Variants in MAD2L2 observed in about 807,000 individuals in gnomAD.
MAD2L2 encodes the protein mitotic spindle assembly checkpoint protein MAD2B.
A neutral mutation model predicts 30.5 loss-of-function variants in MAD2L2; 17 were observed. The ratio of observed to expected loss-of-function variants is 0.56; its 90% CI spans 0.38 to 0.84. The LOEUF is 0.84. MAD2L2 is among the 40% of genes least tolerant of loss of function. The pLI, the probability that MAD2L2 is intolerant of heterozygous loss-of-function variation, is 0.00. For missense variants in MAD2L2, 213 were observed against 277.4 expected (o/e 0.77, Z 1.65); for synonymous variants, 101 against 113.9 (o/e 0.89, Z 0.72).
chr1:11,689,292 CAAAAAA>C (rs70983584), intron 1 of MAD2L2, among the ~76,000 whole-genome samples: 4 of 67,986 alleles, frequency 5.9e-5, no homozygotes, highest in Non-Finnish European at 7.8e-5. Context: ...GACTCTGTCT[CAAAAAA>C]AAAAAAAAAA....
chr1:11,680,705 G>T, intron 1 of MAD2L2, 92 bp from the exon 2 acceptor site: 1 of 1,478,868 alleles, frequency 6.8e-7, no homozygotes, highest in Non-Finnish European at 9.0e-7. Flanking sequence ...CCCACAGTCT[G>T]TGGGAACTGG....
In MAD2L2 at chr1:11,680,457, G is replaced by C. The variant is rs1230296741; in HGVS notation, c.55C>G (p.Leu19Val). 2 of 1,613,870 alleles carry C rather than the reference G, an allele frequency of 1.2e-6. No homozygotes were observed. The highest frequency in any genetic ancestry group is 8.5e-7 in the Non-Finnish European group (1 of 1,179,900). Residue 19 changes from leucine to valine, a missense_variant, in exon 3 of 9, where the codon CTC (leucine) becomes GTC (valine). Leu to Val is a conservative substitution (Grantham distance 32). Transcript: ENST00000376692. Reference protein sequence around the residue: ...LNFGQVVADVLCEFLEVAVHL... With the variant: ...LNFGQVVADVVCEFLEVAVHL... ...ACAGCCACCTCCAGGAACTCGCAGA[G>C]CACATCGGCCACCACTGCAGGGGGG...
At chr1:11,691,826 C>T (rs1403609139), upstream of MAD2L2, 1 of 151,738 alleles carries the variant, frequency 6.6e-6, no homozygotes, top group Non-Finnish European at 1.5e-5. Context: ...CCCCGAGCCC[C>T]TCCTCCCCCT....
At chr1:11,677,257 G>C in intron 4 of MAD2L2, 1 of 596,638 alleles carries the variant, frequency 1.7e-6, no homozygotes, top group Non-Finnish European at 3.0e-6. Context: ...TGGAGAACAG[G>C]GGACGGATGT....
chr1:11,677,764 A>T lies in MAD2L2; in HGVS notation c.160-150T>A, dbSNP rs943628371. The T allele has an allele frequency of 1.5e-5, 10 of 645,292 alleles. No homozygotes were observed. The African/African-American group carries it at 1.8e-4, about 12-fold the overall frequency. 40.0% of individuals were successfully genotyped at this position (645,292 alleles called of 1,614,324 possible). ...ACCCAGGAGACCCCACTTTCCCTCA[A>T]GAGGCTAAGAACTGGCCGGGCATGG... On this transcript the variant is annotated intron_variant, in intron 3 of 8. Transcript: ENST00000376692.
chr1:11,682,754 CTTCATTTTGTAAAAATGCGA>C (rs1246008684), upstream of MAD2L2, among the ~76,000 whole-genome samples: 3 of 152,082 alleles, frequency 2.0e-5, no homozygotes, highest in Non-Finnish European at 4.4e-5. Context: ...CAGAGAATAT[CTTCATTTTGTAAAAATGCGA>C]TGCATTTTGT....
chr1:11,690,264 G>A lies in MAD2L2; in HGVS notation c.-692+1149C>T, dbSNP rs9430207. Among the ~76,000 whole-genome samples the A allele has an allele frequency of 0.19, 29,037 of 151,978 alleles. 4,868 individuals carry two copies. The highest frequency in any genetic ancestry group is 0.46 in the African/African-American group (18,967 of 41,330). On this transcript the variant is annotated intron_variant, in intron 1 of 10. Coordinates refer to the MAD2L2 transcript ENST00000235310. The surrounding 1 kb of genome is among the most constrained non-coding windows in gnomAD (Gnocchi z 4.2). ...CCTCCGGTGCCGGCACATAGTAGGT[G>A]TTCAATAGGTATTTATGGGATGGAT...
intron 3 of MAD2L2, among the ~76,000 whole-genome samples, chr1:11,679,531 A>T (rs1228073257): frequency 6.6e-6 from 1 of 151,122 alleles, no homozygotes; most frequent in Non-Finnish European, 1.5e-5. Context: ...CCCCCAGGGT[A>T]ACTTTTTTTT....
chr1:11,683,710 G>A (rs900619093), upstream of MAD2L2, among the ~76,000 whole-genome samples: 7 of 152,058 alleles, frequency 4.6e-5, no homozygotes, highest in Admixed American at 3.9e-4. Flanking sequence ...GGTGGCTCAC[G>A]CCTGTAATCC....
rs559477212 is a variant in MAD2L2 at position 11,680,765 on chromosome 1, A to G, written c.-12-152T>C. The G allele has an allele frequency of 4.5e-6, 6 of 1,336,824 alleles. No homozygotes were observed. In the East Asian group the frequency reaches 1.8e-4, roughly 39 times the overall value. 82.8% of individuals were successfully genotyped at this position (1,336,824 alleles called of 1,614,324 possible). ...GCTCAGGGCAGCTGGAAGAACCTCCACCCCCACGCTGGCGTCCGTGCTTGG... is the reference window on the plus strand; with the variant it reads ...GCTCAGGGCAGCTGGAAGAACCTCCGCCCCCACGCTGGCGTCCGTGCTTGG... On this transcript the variant is annotated intron_variant, in intron 1 of 8. Transcript: ENST00000376692.
At chr1:11,675,538 G>A (rs1570284034) in intron 7 of MAD2L2, 120 bp downstream of exon 7, 1 of 968,058 alleles carries the variant, frequency 1.0e-6, no homozygotes, top group East Asian at 2.4e-5. Context: ...CCTGCTGGGT[G>A]CCAGGCGCTG....
Position 11,674,891 on chromosome 1 carries a change from G to T in MAD2L2, c.595-75C>A. ...CCTGCTGGAGGACACAGAAGCCCCT[G>T]GTGGGCAGACCTCCACCACAGGTGG... On this transcript the variant is annotated intron_variant, in intron 8 of 8. Transcript: ENST00000376692. This position sits in a 1 kb window ranked among gnomAD's most constrained non-coding sequence, Gnocchi z 6.1. 6.4e-7 allele frequency: 1 copy of T among 1,553,320 alleles called. No homozygotes were observed. Among genetic ancestry groups the T allele is most frequent in the Non-Finnish European group, 8.9e-7 (1 of 1,126,166 alleles).
rs749494169 is a variant in MAD2L2 at position 11,676,139 on chromosome 1, A to G, written c.334T>C (p.Ser112Pro). The G allele has an allele frequency of 6.3e-7, 1 of 1,591,918 alleles. No individual in the cohort carries two copies. Among genetic ancestry groups the G allele is most frequent in the East Asian group, 2.2e-5 (1 of 44,610 alleles). Residue 112 changes from serine to proline, a missense_variant and splice_region_variant, in exon 6 of 9, where the codon TCA (serine) becomes CCA (proline). Ser to Pro is a moderately conservative substitution (Grantham distance 74). Transcript: ENST00000376692. Reference sequence around the variant, plus strand: ...TCCACATGAGACAACAGCGAGTCTGAGCTGGGAGTGAGAGGAGGTCTTCCC... The same window carrying G: ...TCCACATGAGACAACAGCGAGTCTGGGCTGGGAGTGAGAGGAGGTCTTCCC... ...ITQPPLLSISSDSLLSHVEQL... is the reference protein window; with the variant it reads ...ITQPPLLSISPDSLLSHVEQL...
intron 3 of MAD2L2, among the ~76,000 whole-genome samples, chr1:11,679,835 G>C (rs990148763): frequency 6.7e-6 from 1 of 148,940 alleles, no homozygotes. Flanking sequence ...CCACCCCCGG[G>C]GTAACTCTTA....
At chr1:11,681,252 G>C (rs541935646), upstream of MAD2L2, 1 of 152,228 alleles carries the variant, frequency 6.6e-6, no homozygotes, top group East Asian at 1.9e-4. Context: ...TCCGCATGCG[G>C]GGGCGGGTCT....
chr1:11,677,625 T>C lies in MAD2L2; in HGVS notation c.160-11A>G, dbSNP rs2100708930. 6.2e-7 allele frequency: 1 copy of C among 1,610,602 alleles called. No homozygotes were observed. Among genetic ancestry groups the C allele is most frequent in the Middle Eastern group, 1.7e-4 (1 of 5,860 alleles). Reference sequence around the variant, plus strand: ...CGGGTGGCAGGACATCTGCACACAATACCATGCGGCTCGTGAGGCCCAAAG... The same window carrying C: ...CGGGTGGCAGGACATCTGCACACAACACCATGCGGCTCGTGAGGCCCAAAG... On this transcript the variant is annotated splice_polypyrimidine_tract_variant and intron_variant, in intron 3 of 8. Coordinates refer to ENST00000376692, the MANE Select transcript of MAD2L2 (RefSeq NM_006341.4).
chr1:11,685,183 AC>A (rs940852458), upstream of MAD2L2, among the ~76,000 whole-genome samples: 4 of 151,984 alleles, frequency 2.6e-5, no homozygotes, highest in African/African-American at 9.7e-5. Flanking sequence ...CCTGCCTCTC[AC>A]CCTCGCAAAA....
chr1:11,682,994 C>T (rs1640901736), upstream of MAD2L2, among the ~76,000 whole-genome samples: 1 of 152,212 alleles, frequency 6.6e-6, no homozygotes, highest in African/African-American at 2.4e-5. Flanking sequence ...CATTGCAGAA[C>T]TTGGGAAAAG....
In MAD2L2 at chr1:11,688,351, G is replaced by A. The variant is rs1436750751; in HGVS notation, c.-692+3062C>T. 6.6e-6 allele frequency among the ~76,000 whole-genome samples: 1 copy of A among 152,180 alleles called. No homozygotes were observed. The highest frequency in any genetic ancestry group is 2.4e-5 in the African/African-American group (1 of 41,448). On this transcript the variant is annotated intron_variant, in intron 1 of 10. Coordinates refer to the MAD2L2 transcript ENST00000235310. This position sits in a 1 kb window ranked among gnomAD's most constrained non-coding sequence, Gnocchi z 4.6. ...GAGGCTGGCGAATCACCTGAGGTCA[G>A]GATATCGAGACCATCCTGGCTAACA...
Sources: gnomAD v4.1 joint callset for allele counts (sites outside exome capture counted in the v4.1 genomes callset) on GRCh38, gnomAD v4.1.1 for gene constraint, Gnocchi (gnomAD v3.1) non-coding constraint, MANE v1.5 for transcripts, NCBI Gene and HGNC (gene_info 2026-07-23, HGNC 2026-07-21) for gene names.